CCDC38: variants seen among roughly 807,000 people sequenced by gnomAD.
CCDC38 encodes coiled-coil domain-containing protein 38.
A neutral mutation model predicts 72.8 loss-of-function variants in CCDC38; 69 were observed. That is an observed-to-expected ratio of 0.95 (90% CI 0.78 to 1.16). CCDC38 has a LOEUF of 1.16. Among genes scored for constraint, CCDC38 ranks in the 50% most tolerant of loss-of-function variants. The pLI is 0.00. For synonymous variants in CCDC38, 201 were observed against 213.2 expected (o/e 0.94, Z 0.50); for missense variants, 626 against 638.9 (o/e 0.98, Z 0.22).
Position 95,879,323 on chromosome 12 carries a change from G to A in CCDC38, c.1142+321C>T, listed in dbSNP as rs2079671439. 6.6e-6 allele frequency among the ~76,000 whole-genome samples: 1 copy of A among 152,240 alleles called. No homozygotes were observed. Among genetic ancestry groups the A allele is most frequent in the Admixed American group, 6.5e-5 (1 of 15,284 alleles). On this transcript the variant is annotated intron_variant, in intron 12 of 15. Coordinates refer to ENST00000344280, the MANE Select transcript of CCDC38 (RefSeq NM_182496.3). The surrounding 1 kb of genome is among the most constrained non-coding windows in gnomAD (Gnocchi z 5.5). ...GGTAAAGTAAATGACAGCTAGCCAAGTGATAGGGCGAAAACTATACCGGAC... is the reference window on the plus strand; with the variant it reads ...GGTAAAGTAAATGACAGCTAGCCAAATGATAGGGCGAAAACTATACCGGAC...
Position 95,936,365 on chromosome 12 carries a change from C to A in CCDC38, c.37+108G>T. ...CTGCAGGTAGTTTATAAACTCATTA[C>A]ATTTTATATTTATGGTGTAACATTC... On this transcript the variant is annotated intron_variant, in intron 2 of 15. Transcript: ENST00000344280. 5 of 978,804 alleles carry A rather than the reference C, an allele frequency of 5.1e-6. No individual in the cohort carries two copies. In the South Asian group the frequency reaches 6.0e-5, roughly 12 times the overall value. The allele number at this position is 978,804 out of a possible 1,614,324, so 60.6% of individuals were successfully genotyped here. A position where few individuals can be genotyped will look rare whatever the true frequency, so the allele number is the denominator to read the frequency against.
chr12:95,920,876 C>A (rs2080197912), intron 2 of CCDC38, among the ~76,000 whole-genome samples: 1 of 152,124 alleles, frequency 6.6e-6, no homozygotes. Flanking sequence ...CACGTATAAT[C>A]CCAGCACTTT....
rs933308342 is a variant in CCDC38, at chr12:95,898,718, G to T, written c.383C>A (p.Thr128Asn). 1.2e-6 allele frequency: 2 copies of T among 1,613,416 alleles called. No homozygotes were observed. Among genetic ancestry groups the T allele is most frequent in the South Asian group, 1.1e-5 (1 of 91,042 alleles). Residue 128 changes from threonine to asparagine, a missense_variant, in exon 6 of 16, where the codon ACC (threonine) becomes AAC (asparagine). Coordinates refer to ENST00000344280, the MANE Select transcript of CCDC38 (RefSeq NM_182496.3). ...AAACTTTTTGATTGTGTTTCTTTTG[G>T]TTGACAAAGCATACTAGGGGCATTG... is the stretch of plus-strand genomic sequence containing the variant. The part of the protein sequence containing the change: ...DRFLLEYALS[T>N]KRNTIKKFEK...
chr12:95,890,672 T>A (rs942520093), intron 9 of CCDC38, among the ~76,000 whole-genome samples, 160 bp downstream of exon 9: 28 of 152,204 alleles, frequency 1.8e-4, no homozygotes, highest in African/African-American at 6.3e-4. Flanking sequence ...TGGCATTTTG[T>A]GATAACGTGA....
intron 10 of CCDC38, among the ~76,000 whole-genome samples, chr12:95,886,304 A>C (rs899893382): frequency 6.6e-6 from 1 of 152,192 alleles, no homozygotes; most frequent in South Asian, 2.1e-4. Context: ...CACCCCTTAT[A>C]CAAAAATTAA....
intron 2 of CCDC38, among the ~76,000 whole-genome samples, chr12:95,925,505 C>G (rs1378637470): frequency 6.6e-6 from 1 of 152,156 alleles, no homozygotes; most frequent in Non-Finnish European, 1.5e-5. Flanking sequence ...ATTTGACTTC[C>G]TCTTTTCCTA....
intron 4 of CCDC38, among the ~76,000 whole-genome samples, chr12:95,914,768 C>G (rs996225250): frequency 6.6e-6 from 1 of 152,020 alleles, no homozygotes; most frequent in Non-Finnish European, 1.5e-5. Flanking sequence ...TAGCCACCCC[C>G]GCTCCTCACA....
chr12:95,886,750 C>G (rs2079764142), intron 10 of CCDC38, among the ~76,000 whole-genome samples: 1 of 152,136 alleles, frequency 6.6e-6, no homozygotes, highest in Non-Finnish European at 1.5e-5. Flanking sequence ...CAATTAATAC[C>G]TACCAGAATA....
chr12:95,933,950 G>C (rs2080364056), intron 2 of CCDC38: 1 of 152,140 alleles, frequency 6.6e-6, no homozygotes, highest in Non-Finnish European at 1.5e-5. Flanking sequence ...CACTGAAGTG[G>C]ATCGCTTGAA....
rs1443850977 is a variant in CCDC38 at position 95,878,246 on chromosome 12, G to C, written c.1243C>G (p.Leu415Val). ...KAAELQLKSK[L>V]FSFGEFNSDA... is the part of the protein sequence containing the mutation. ...GAATTAAATTCTCCAAAGCTAAAGA[G>C]CTTGGACTTTAATTGCAATTCTGCT... Residue 415 changes from leucine (L) to valine (V), a missense_variant, in exon 13 of 16, where the codon CTC becomes GTC. Physicochemically the swap from Leu to Val is conservative, Grantham distance 32 (BLOSUM62 1). Coordinates refer to ENST00000344280, the MANE Select transcript of CCDC38 (RefSeq NM_182496.3). 6.2e-7 allele frequency: 1 copy of C among 1,613,512 alleles called. No individual in the cohort carries two copies. The highest frequency in any genetic ancestry group is 2.2e-5 in the East Asian group (1 of 44,824).
chr12:95,890,476 G>A (rs6538680), intron 9 of CCDC38, among the ~76,000 whole-genome samples: 19,968 of 152,222 alleles, frequency 0.13, 1,625 homozygotes, highest in South Asian at 0.24. Context: ...CAGTCACCTC[G>A]TTGCAAATGG....
intron 5 of CCDC38, among the ~76,000 whole-genome samples, chr12:95,905,215 A>C (rs1328019313): frequency 6.6e-6 from 1 of 152,076 alleles, no homozygotes; most frequent in Non-Finnish European, 1.5e-5. Flanking sequence ...TTTGATCTGC[A>C]GTTTGTTAAA....
At chr12:95,887,216 C>A (rs553686753) in intron 10 of CCDC38, among the ~76,000 whole-genome samples, 2 of 149,190 alleles carry the variant, frequency 1.3e-5, no homozygotes, top group African/African-American at 4.9e-5. Context: ...CAAAAAAAAA[C>A]CACTGAACAC....
chr12:95,902,887 T>A (rs902677422), intron 5 of CCDC38, among the ~76,000 whole-genome samples: 3 of 152,106 alleles, frequency 2.0e-5, no homozygotes, highest in Admixed American at 6.5e-5. Flanking sequence ...CCATAAAAAA[T>A]TTAGAATCAG....
rs996461776 is a variant in CCDC38 at position 95,873,998 on chromosome 12, A to G, written c.1279-1538T>C. On this transcript the variant is annotated intron_variant, in intron 13 of 15. Transcript: ENST00000344280. ...AAAACTTGGAGAAATACATAATAAT[A>G]TAAAAGAAAACAGCAAAAGTCCTAT... is the stretch of plus-strand genomic sequence containing the variant. Among the ~76,000 whole-genome samples the G allele has an allele frequency of 7.8e-4, 119 of 152,364 alleles. 2 individuals carry two copies. The highest frequency in any genetic ancestry group is 3.4e-3 in the Middle Eastern group (1 of 294).
intron 14 of CCDC38, among the ~76,000 whole-genome samples, chr12:95,870,469 G>A (rs1002199587): frequency 3.3e-5 from 5 of 152,178 alleles, no homozygotes; most frequent in Admixed American, 2.6e-4. Flanking sequence ...CATGTACTGA[G>A]CATTTTTATT....
intron 4 of CCDC38, among the ~76,000 whole-genome samples, chr12:95,913,004 G>A (rs2080110659): frequency 6.6e-6 from 1 of 152,138 alleles, no homozygotes; most frequent in Non-Finnish European, 1.5e-5. Context: ...GGTCGAGGCT[G>A]TAGTGAGTCA....
At chr12:95,876,572 T>TA (rs889334602) in intron 13 of CCDC38, among the ~76,000 whole-genome samples, 120 of 152,024 alleles carry the variant, frequency 7.9e-4, no homozygotes, top group African/African-American at 2.5e-3. Context: ...ACCACAGTTT[T>TA]AAAAAAAATG....
intron 4 of CCDC38, among the ~76,000 whole-genome samples, chr12:95,908,347 A>G (rs1374789541): frequency 6.7e-6 from 1 of 148,666 alleles, no homozygotes; most frequent in South Asian, 2.2e-4. Context: ...CTGCAATCGC[A>G]GGCACTCGGC....
Sources: gnomAD v4.1 joint callset for allele counts (sites outside exome capture counted in the v4.1 genomes callset) on GRCh38, gnomAD v4.1.1 for gene constraint, Gnocchi (gnomAD v3.1) non-coding constraint, MANE v1.5 for transcripts, NCBI Gene and HGNC (gene_info 2026-07-23, HGNC 2026-07-21) for gene names.